Variants in PKP1 observed in about 807,000 individuals in gnomAD.
PKP1 encodes the protein plakophilin 1.
A neutral mutation model predicts 76.4 loss-of-function variants in PKP1; 27 were observed. The ratio of observed to expected loss-of-function variants is 0.35; its 90% CI spans 0.26 to 0.49. The LOEUF is 0.49. Among genes scored for constraint, PKP1 ranks in the 20% least tolerant of loss-of-function variants. The pLI is 0.99. For missense variants in PKP1, 964 were observed against 955.2 expected (o/e 1.01, Z -0.12); for synonymous variants, 404 against 384.2 (o/e 1.05, Z -0.60).
At chr1:201,302,346 G>C (rs1482852666) in intron 2 of PKP1, among the ~76,000 whole-genome samples, 1 of 152,200 alleles carries the variant, frequency 6.6e-6, no homozygotes, top group Non-Finnish European at 1.5e-5. Flanking sequence ...GGTGTGAAGA[G>C]CAAGAGGAGG....
chr1:201,297,128 A>G (rs760230554), intron 2 of PKP1, among the ~76,000 whole-genome samples: 6 of 152,250 alleles, frequency 3.9e-5, no homozygotes, highest in Non-Finnish European at 8.8e-5. Context: ...ATGATTATTC[A>G]CATCACAAAT....
rs1433748015 is a variant in PKP1, at chr1:201,313,306, A to C, written c.447A>C (p.Lys149Asn). ...GCAGCGACATCTGCTTCATGCAGAA[A>C]ATCAAGGCGAGCCGCAGTGAGCCCG... ...GAGSDICFMQ[K>N]IKASRSEPDL... The change falls in exon 3 of 14, where the codon AAA (lysine) becomes AAC (asparagine). Residue 149 changes from lysine to asparagine, a missense_variant. Lys to Asn is a moderately conservative substitution (Grantham distance 94). Coordinates refer to ENST00000367324, the MANE Select transcript of PKP1 (RefSeq NM_001005337.3). The C allele has an allele frequency of 6.3e-7, 1 of 1,599,200 alleles. No homozygotes were observed. The highest frequency in any genetic ancestry group is 1.7e-4 in the Middle Eastern group (1 of 6,040).
chr1:201,324,527 G>A lies in PKP1; in HGVS notation c.1780G>A (p.Gly594Arg), dbSNP rs769635879. 9 of 1,614,056 alleles carry A rather than the reference G, an allele frequency of 5.6e-6. No homozygotes were observed. Among genetic ancestry groups the A allele is most frequent in the Non-Finnish European group, 7.6e-6 (9 of 1,179,992 alleles). Residue 594 changes from glycine to arginine, a missense_variant, in exon 10 of 14, where the codon GGA becomes AGA. Gly to Arg is a moderately radical substitution (Grantham distance 125, BLOSUM62 -2). Transcript: ENST00000367324. ...TGGCAACTCTGATGTGGTGCGGTCC[G>A]GAGCCTCCCTCCTGAGCAACATGTC... ...QSGNSDVVRS[G>R]ASLLSNMSRH...
At chr1:201,315,137 C>T (rs1306517331) in intron 3 of PKP1, among the ~76,000 whole-genome samples, 1 of 152,230 alleles carries the variant, frequency 6.6e-6, no homozygotes, top group Non-Finnish European at 1.5e-5. Flanking sequence ...GTCTTGGAGG[C>T]TGATCAGGGC....
chr1:201,319,716 G>A (rs1422093848), intron 6 of PKP1: 20 of 1,206,328 alleles, frequency 1.7e-5, no homozygotes, highest in Non-Finnish European at 2.2e-5. Context: ...GCTGGGGGCA[G>A]AACACAGCTT....
chr1:201,310,116 G>A (rs935694290), intron 2 of PKP1, among the ~76,000 whole-genome samples: 2 of 152,142 alleles, frequency 1.3e-5, no homozygotes, highest in Non-Finnish European at 2.9e-5. Flanking sequence ...ATCCCATTTA[G>A]GTATGTCACA....
rs996389818 is a variant in PKP1 at position 201,320,135 on chromosome 1, G to A, written c.1233-132G>A. On this transcript the variant is annotated intron_variant, in intron 6 of 13. Coordinates refer to ENST00000367324, the MANE Select transcript of PKP1 (RefSeq NM_001005337.3). ...CACAACTTCCAATCTCCACCCCGTC[G>A]TCTCCTCTCTGCCCTCCCCTCTCCT... 39 of 713,666 alleles carry A rather than the reference G, an allele frequency of 5.5e-5. No homozygotes were observed. In the Middle Eastern group the frequency reaches 1.7e-3, roughly 31 times the overall value. The allele number at this position is 713,666 out of a possible 1,614,324, so 44.2% of individuals were successfully genotyped here. A position where few individuals can be genotyped will look rare whatever the true frequency, so the allele number is the denominator to read the frequency against.
At chr1:201,318,845 C>T in intron 6 of PKP1, 50 bp downstream of exon 6, 1 of 1,431,406 alleles carries the variant, frequency 7.0e-7, no homozygotes, top group Non-Finnish European at 9.6e-7. Flanking sequence ...TTGGGCCCTT[C>T]CCCAGGCAGC....
At chr1:201,320,070 T>C in intron 6 of PKP1, 197 bp from the exon 7 acceptor site, 2 of 709,922 alleles carry the variant, frequency 2.8e-6, no homozygotes, top group Non-Finnish European at 5.0e-6. Context: ...CCTCTCTTCA[T>C]TCCTTTCCTC....
chr1:201,329,695 G>T (rs1657259358), intron 13 of PKP1, among the ~76,000 whole-genome samples: 1 of 152,170 alleles, frequency 6.6e-6, no homozygotes, highest in African/African-American at 2.4e-5. Flanking sequence ...ATCCCTGGTG[G>T]GGAGAGAGGA....
At chr1:201,286,783 G>T (rs1017118337) in intron 1 of PKP1, among the ~76,000 whole-genome samples, 3 of 152,098 alleles carry the variant, frequency 2.0e-5, no homozygotes, top group Non-Finnish European at 4.4e-5. Context: ...TTTCTTCCCA[G>T]ACTGTGTGGA....
chr1:201,316,695 C>G lies in PKP1; in HGVS notation c.844C>G (p.Gln282Glu), dbSNP rs1299124137. 1.2e-6 allele frequency: 2 copies of G among 1,613,710 alleles called. No individual in the cohort carries two copies. Among genetic ancestry groups the G allele is most frequent in the Middle Eastern group, 3.5e-4 (2 of 5,710 alleles). ...CTTCCAGGATGAATCTGCCAAGCAA[C>G]AGGTAGCTGGTTGCATACCTTCCTC... is the stretch of plus-strand genomic sequence containing the variant. Reference protein sequence around the residue: ...TCFQDESAKQQVYQLGGICKL... With the variant: ...TCFQDESAKQEVYQLGGICKL... Residue 282 changes from glutamine to glutamate, a missense_variant and splice_region_variant, in exon 4 of 14, where the codon CAG (glutamine) becomes GAG (glutamate). Transcript: ENST00000367324.
chr1:201,286,951 G>A (rs191935496), intron 1 of PKP1, among the ~76,000 whole-genome samples: 2 of 152,112 alleles, frequency 1.3e-5, no homozygotes, highest in East Asian at 3.9e-4. Flanking sequence ...AATCTCACTT[G>A]CCCTAACCCA....
At chr1:201,317,858 C>A in intron 5 of PKP1, 79 bp downstream of exon 5, 1 of 1,351,494 alleles carries the variant, frequency 7.4e-7, no homozygotes, top group Middle Eastern at 2.5e-4. Flanking sequence ...GGGGTGCAAG[C>A]CTGTCTCTCC....
At position 201,317,614 on chromosome 1, in the gene PKP1, C is replaced by G. The variant is rs368718493; in HGVS notation, c.889C>G (p.Arg297Gly). The change falls in exon 5 of 14, where the codon CGC becomes GGC. Residue 297 changes from arginine to glycine, a missense_variant. Arg to Gly is a moderately radical substitution (Grantham distance 125, BLOSUM62 -2). Transcript: ENST00000367324. ...GGICKLVDLL[R>G]SPNQNVQQAA... Reference sequence around the variant, plus strand: ...CATCTGCAAGCTGGTGGACCTCCTCCGCAGCCCCAACCAGAACGTCCAGCA... The same window carrying G: ...CATCTGCAAGCTGGTGGACCTCCTCGGCAGCCCCAACCAGAACGTCCAGCA... The G allele has an allele frequency of 9.3e-6, 15 of 1,614,042 alleles. No homozygotes were observed. In the African/African-American group the frequency reaches 1.5e-4, roughly 16 times the overall value.
intron 2 of PKP1, among the ~76,000 whole-genome samples, chr1:201,310,818 G>A (rs1656526731): frequency 6.6e-6 from 1 of 152,208 alleles, no homozygotes. Flanking sequence ...GCTGGGAAAT[G>A]CAGTCCCACG....
intron 6 of PKP1, chr1:201,319,791 A>G: frequency 3.1e-6 from 5 of 1,613,370 alleles, no homozygotes; most frequent in Admixed American, 1.7e-5. Context: ...ATCCAGCATC[A>G]ACAGGGCTTC....
chr1:201,325,923 C>T, intron 12 of PKP1, 85 bp downstream of exon 12: 1 of 1,022,008 alleles, frequency 9.8e-7, no homozygotes, highest in Middle Eastern at 2.0e-4. Flanking sequence ...CTGGGCTGGG[C>T]ACTAGAGAAA....
intron 9 of PKP1, among the ~76,000 whole-genome samples, chr1:201,323,839 C>T (rs769482095): frequency 6.6e-6 from 1 of 152,138 alleles, no homozygotes. Context: ...GCCAAACCCA[C>T]CTAGACCTGT....
Sources: allele counts gnomAD v4.1 joint callset (sites outside exome capture counted in the v4.1 genomes callset), GRCh38; gene constraint gnomAD v4.1.1; transcripts MANE v1.5; gene names NCBI Gene and HGNC (gene_info 2026-07-23, HGNC 2026-07-21).